GRID1: variants seen among roughly 807,000 people sequenced by gnomAD.
GRID1 encodes glutamate ionotropic receptor delta type subunit 1.
GRID1 carries 28 observed loss-of-function variants against 98.0 expected under a neutral mutation model. The observed-to-expected ratio is 0.29, with a 90% CI of 0.21 to 0.39. The LOEUF is 0.39. Ranked by LOEUF, GRID1 falls within the 10% of genes least tolerant of loss-of-function variation. The pLI is 1.00. For missense variants in GRID1, 1,111 were observed against 1,340.5 expected (o/e 0.83, Z 2.67); for synonymous variants, 553 against 538.5 (o/e 1.03, Z -0.37).
chr10:86,054,600 C>G (rs1255875765), intron 4 of GRID1, among the ~76,000 whole-genome samples: 1 of 152,216 alleles, frequency 6.6e-6, no homozygotes, highest in African/African-American at 2.4e-5. Flanking sequence ...ATTTTGGCCC[C>G]TGGCTGCATA....
At chr10:86,031,248 A>G (rs1218844820) in intron 4 of GRID1, among the ~76,000 whole-genome samples, 2 of 152,198 alleles carry the variant, frequency 1.3e-5, no homozygotes, top group Non-Finnish European at 2.9e-5. Flanking sequence ...ACAAAATCAT[A>G]TCCTTTGCAG....
chr10:85,911,774 C>T (rs1216877616), intron 5 of GRID1, among the ~76,000 whole-genome samples: 1 of 152,272 alleles, frequency 6.6e-6, no homozygotes, highest in African/African-American at 2.4e-5. Flanking sequence ...TAGGAGAATT[C>T]CCTGCACAAA....
At chr10:85,655,089 A>T (rs1840880604) in intron 12 of GRID1, among the ~76,000 whole-genome samples, 1 of 152,032 alleles carries the variant, frequency 6.6e-6, no homozygotes. Flanking sequence ...TAGAGCCTTC[A>T]GTGCTTCAGT....
At chr10:85,756,038 T>G (rs900308055) in intron 8 of GRID1, among the ~76,000 whole-genome samples, 1 of 152,060 alleles carries the variant, frequency 6.6e-6, no homozygotes, top group Non-Finnish European at 1.5e-5. Flanking sequence ...GCAATAGTCC[T>G]CCCTTATCTG....
intron 8 of GRID1, among the ~76,000 whole-genome samples, chr10:85,756,893 C>T (rs1159762237): frequency 6.6e-6 from 1 of 152,156 alleles, no homozygotes; most frequent in Non-Finnish European, 1.5e-5. Flanking sequence ...TCAAGACAAC[C>T]TAATGAGGTA....
chr10:85,846,077 C>T (rs34953742), intron 8 of GRID1, among the ~76,000 whole-genome samples: 11,513 of 151,914 alleles, frequency 0.076, 447 homozygotes, highest in Non-Finnish European at 0.082. Flanking sequence ...CTGTGATTCA[C>T]GTAAGATTTA....
chr10:86,116,086 A>G (rs901845424), intron 4 of GRID1, among the ~76,000 whole-genome samples: 8 of 152,162 alleles, frequency 5.3e-5, no homozygotes, highest in Non-Finnish European at 4.4e-5. Flanking sequence ...AGTACACTCT[A>G]TGGGGTTCGT....
intron 12 of GRID1, among the ~76,000 whole-genome samples, chr10:85,687,658 C>A (rs1393932592): frequency 1.3e-5 from 2 of 151,698 alleles, no homozygotes; most frequent in Non-Finnish European, 2.9e-5. Context: ...AAAAATAGTA[C>A]AATAATTATA....
At chr10:85,792,001 G>C (rs1184380882) in intron 8 of GRID1, among the ~76,000 whole-genome samples, 1 of 152,146 alleles carries the variant, frequency 6.6e-6, no homozygotes, top group African/African-American at 2.4e-5. Flanking sequence ...GGAGGCCAGG[G>C]AGCCAGTCCA....
rs772112281 is a variant in GRID1 at position 86,125,405 on chromosome 10, G to A, written c.726+13414C>T. 3.3e-5 allele frequency among the ~76,000 whole-genome samples: 5 copies of A among 152,342 alleles called. No homozygotes were observed. The Middle Eastern group carries it at 0.01, about 311-fold the overall frequency. ...TAACAACCAGCAGCAGCCTTGTGGA[G>A]TACTGCTAGGTAGAGCAAACCAATA... On this transcript the variant is annotated intron_variant, in intron 4 of 15. Coordinates refer to ENST00000327946, the MANE Select transcript of GRID1 (RefSeq NM_017551.3).
At chr10:86,083,287 C>A (rs7924272) in intron 4 of GRID1, among the ~76,000 whole-genome samples, 1,776 of 152,180 alleles carry the variant, frequency 0.012, 38 homozygotes, top group African/African-American at 0.041. Context: ...TGAGGACTGG[C>A]GGGGAGAACT....
chr10:85,647,173 C>G, intron 13 of GRID1, 29 bp downstream of exon 13: 1 of 1,591,562 alleles, frequency 6.3e-7, no homozygotes, highest in Non-Finnish European at 8.6e-7. Flanking sequence ...TGTTACAGTG[C>G]ACGTGCCCAA....
intron 8 of GRID1, among the ~76,000 whole-genome samples, chr10:85,825,405 T>G (rs866247742): frequency 1.3e-5 from 2 of 152,172 alleles, no homozygotes. Context: ...CTTGCTGATT[T>G]ATTTGAGCTT....
At chr10:85,825,261 T>C (rs1842808696) in intron 8 of GRID1, among the ~76,000 whole-genome samples, 1 of 152,244 alleles carries the variant, frequency 6.6e-6, no homozygotes, top group African/African-American at 2.4e-5. Flanking sequence ...TTCGCTGTGG[T>C]TTTAATTTGC....
At chr10:86,089,467 G>A (rs1022946217) in intron 4 of GRID1, among the ~76,000 whole-genome samples, 17 of 152,116 alleles carry the variant, frequency 1.1e-4, no homozygotes, top group African/African-American at 4.1e-4. Flanking sequence ...AAAACAGAAG[G>A]CGTAAGGAAG....
At chr10:86,025,916 AC>A (rs1843110073) in intron 4 of GRID1, among the ~76,000 whole-genome samples, 1 of 152,216 alleles carries the variant, frequency 6.6e-6, no homozygotes, top group Non-Finnish European at 1.5e-5. Flanking sequence ...GTTCTGAGGA[AC>A]CTGCCTCTAA....
At chr10:86,219,467 C>T (rs542144328) in intron 2 of GRID1, among the ~76,000 whole-genome samples, 3 of 152,322 alleles carry the variant, frequency 2.0e-5, no homozygotes, top group East Asian at 1.9e-4. Flanking sequence ...AGTTGTTTAC[C>T]GACCTTGGCT....
At chr10:86,025,093 T>G (rs1290302154) in intron 4 of GRID1, among the ~76,000 whole-genome samples, 2 of 152,188 alleles carry the variant, frequency 1.3e-5, no homozygotes, top group African/African-American at 4.8e-5. Context: ...CATGTCCCCA[T>G]GTGGCCAGAA....
At chr10:85,820,925 G>A (rs180766996) in intron 8 of GRID1, among the ~76,000 whole-genome samples, 7 of 152,190 alleles carry the variant, frequency 4.6e-5, no homozygotes, top group African/African-American at 1.7e-4. Context: ...TCATTCAAGG[G>A]AAATATAAAT....
Sources: gnomAD v4.1 joint callset for allele counts (sites outside exome capture counted in the v4.1 genomes callset) on GRCh38, gnomAD v4.1.1 for gene constraint, MANE v1.5 for transcripts, NCBI Gene and HGNC (gene_info 2026-07-23, HGNC 2026-07-21) for gene names.